Variants in ZFYVE16 observed in about 807,000 individuals in gnomAD.
The protein encoded by ZFYVE16 is zinc finger FYVE domain-containing protein 16.
ZFYVE16 carries 89 observed loss-of-function variants against 138.1 expected under a neutral mutation model. The observed-to-expected ratio is 0.64, with a 90% CI of 0.54 to 0.77. The LOEUF (loss-of-function observed/expected upper bound fraction) is 0.77, where lower values mean the gene tolerates loss of function less well. Among genes scored for constraint, ZFYVE16 ranks in the 30% least tolerant of loss-of-function variants. The pLI, the probability that ZFYVE16 is intolerant of heterozygous loss-of-function variation, is 0.00. For missense variants in ZFYVE16, 1,793 were observed against 1,786.7 expected (o/e 1.00, Z -0.06); for synonymous variants, 596 against 618.3 (o/e 0.96, Z 0.53).
intron 5 of ZFYVE16, 93 bp downstream of exon 5, chr5:80,440,125 A>C: frequency 7.0e-7 from 1 of 1,435,906 alleles, no homozygotes; most frequent in Non-Finnish European, 9.1e-7. Context: ...TATTTTCTTA[A>C]GGCAAGGACC....
intron 2 of ZFYVE16, among the ~76,000 whole-genome samples, chr5:80,428,055 C>T (rs917784720): frequency 2.0e-5 from 3 of 148,544 alleles, no homozygotes; most frequent in African/African-American, 7.4e-5. Flanking sequence ...CCAGCGTGAG[C>T]GACACAGAAG....
At chr5:80,461,569 G>C (rs1377343770) in intron 15 of ZFYVE16, among the ~76,000 whole-genome samples, 1 of 152,224 alleles carries the variant, frequency 6.6e-6, no homozygotes, top group Non-Finnish European at 1.5e-5. Flanking sequence ...AGAAGTCCAA[G>C]ATCAAGGTGC....
intron 1 of ZFYVE16, among the ~76,000 whole-genome samples, chr5:80,413,576 C>G (rs1374746666): frequency 6.6e-6 from 1 of 152,004 alleles, no homozygotes; most frequent in Non-Finnish European, 1.5e-5. Flanking sequence ...TCAATCAGTG[C>G]TTTCTGTCTG....
At chr5:80,477,069 C>T (rs933855198) in intron 18 of ZFYVE16, 150 bp from the exon 19 acceptor site, 7 of 611,382 alleles carry the variant, frequency 1.1e-5, no homozygotes, top group African/African-American at 1.9e-5. Context: ...ATAAAAGATA[C>T]AGGAGAATGT....
At position 80,451,704 on chromosome 5, in the gene ZFYVE16, A is replaced by G. The variant is rs1752003567; in HGVS notation, c.3602A>G (p.Tyr1201Cys). The stretch of plus-strand genomic sequence containing the variant: ...TTAATGTTGAGATTGGGTGCAGAAT[A>G]TAAAGGTAAGTTTTAGAGTAATAAG... ...MRLMLRLGAE[Y>C]KAYPAPLTSI... Residue 1201 changes from tyrosine (Y) to cysteine (C), a missense_variant, in exon 11 of 19, where the codon TAT becomes TGT. Physicochemically the swap from Tyr to Cys is radical, Grantham distance 194. This residue lies in a region of ZFYVE16 where 498 missense variants were observed against 582.4 expected (regional missense o/e 0.86). Transcript: ENST00000505560. The G allele has an allele frequency of 6.2e-7, 1 of 1,611,854 alleles. No individual in the cohort carries two copies. Among genetic ancestry groups the G allele is most frequent in the Non-Finnish European group, 8.5e-7 (1 of 1,179,244 alleles).
upstream of ZFYVE16, chr5:80,407,944 G>C (rs1374290660): frequency 6.6e-6 from 1 of 152,372 alleles, no homozygotes. Flanking sequence ...CCCGGGCCTG[G>C]AGACGGCCGC....
chr5:80,442,904 A>T (rs1011316201), intron 5 of ZFYVE16: 14 of 467,486 alleles, frequency 3.0e-5, no homozygotes, highest in Admixed American at 4.3e-5. Context: ...ATAATATTGA[A>T]ATAACTTATT....
intron 2 of ZFYVE16, among the ~76,000 whole-genome samples, chr5:80,428,144 G>A (rs1367745775): frequency 6.6e-6 from 1 of 152,070 alleles, no homozygotes; most frequent in African/African-American, 2.4e-5. Flanking sequence ...ATGTGAGAAC[G>A]GACAGACTGT....
At chr5:80,439,881 A>G (rs980016803) in intron 4 of ZFYVE16, 55 bp from the exon 5 acceptor site, 21 of 1,463,302 alleles carry the variant, frequency 1.4e-5, no homozygotes, top group Non-Finnish European at 1.9e-5. Context: ...CACTGCCTCT[A>G]GTAGGTGTAA....
intron 1 of ZFYVE16, among the ~76,000 whole-genome samples, chr5:80,419,675 C>T (rs1746796049): frequency 6.6e-6 from 1 of 152,050 alleles, no homozygotes; most frequent in Non-Finnish European, 1.5e-5. Context: ...CTGCGCCTGG[C>T]TGATTCTTTC....
At chr5:80,430,409 A>T (rs1431039450) in intron 2 of ZFYVE16, among the ~76,000 whole-genome samples, 1 of 152,002 alleles carries the variant, frequency 6.6e-6, no homozygotes, top group Non-Finnish European at 1.5e-5. Flanking sequence ...AAGACACAAC[A>T]TACCAGAATC....
chr5:80,431,998 G>C (rs1749105799), intron 2 of ZFYVE16, among the ~76,000 whole-genome samples: 2 of 152,140 alleles, frequency 1.3e-5, no homozygotes, highest in South Asian at 4.1e-4. Flanking sequence ...TCGTGAAAAT[G>C]GCCATACTGC....
chr5:80,426,095 C>T (rs1415510679), intron 1 of ZFYVE16, among the ~76,000 whole-genome samples: 3 of 151,720 alleles, frequency 2.0e-5, no homozygotes, highest in African/African-American at 7.3e-5. Context: ...TGAAATATAA[C>T]AGAGGCTTAA....
Position 80,426,201 on chromosome 5 carries a change from G to GGTGTGT in ZFYVE16, c.-93-1268_-93-1263dup, listed in dbSNP as rs67789869. Among the ~76,000 whole-genome samples, 288 of 139,674 alleles carry GGTGTGT rather than the reference G, an allele frequency of 2.1e-3. 3 individuals are homozygous for GGTGTGT. The highest frequency in any genetic ancestry group is 7.3e-3 in the African/African-American group (267 of 36,340). The allele number at this position is 139,674 out of a possible 152,430, so 91.6% of individuals were successfully genotyped here. The stretch of plus-strand genomic sequence containing the variant: ...TATATATATATATATGTGTGTGTGT[G>GGTGTGT]GTGTGTGTGTGTGTGTGTGTGTGTG... On this transcript the variant is annotated intron_variant, in intron 1 of 18. Transcript: ENST00000505560.
intron 1 of ZFYVE16, among the ~76,000 whole-genome samples, chr5:80,422,389 T>C (rs1034843457): frequency 6.6e-6 from 1 of 152,212 alleles, no homozygotes. Context: ...CTTTATCAGA[T>C]TGAAGAAGTT....
In ZFYVE16 at chr5:80,440,015, A is replaced by G. The variant is rs748080241; in HGVS notation, c.2402A>G (p.Tyr801Cys). 5 of 1,609,380 alleles carry G rather than the reference A, an allele frequency of 3.1e-6. No individual in the cohort carries two copies. Among genetic ancestry groups the G allele is most frequent in the Middle Eastern group, 1.7e-4 (1 of 6,052 alleles). Residue 801 changes from tyrosine (Y) to cysteine (C), a missense_variant, in exon 5 of 19, where the codon TAT (tyrosine) becomes TGT (cysteine). Tyr to Cys is a radical substitution (Grantham distance 194). Transcript: ENST00000505560. ...EKEARVCVVC[Y>C]ETISKAQAFE... ...GAAGCAAGAGTATGTGTAGTCTGCT[A>G]TGAAACTATTAGTAAAGGTGAGTAT...
In ZFYVE16 at chr5:80,416,286, C is replaced by T. The variant is rs373538223; in HGVS notation, c.-94+8133C>T. ...TTTTTTTTTTTTTGAGACAAAGTCT[C>T]GCTCTGTTGCCCAGGCTGGAGTGCA... On this transcript the variant is annotated intron_variant, in intron 1 of 18. Coordinates refer to ENST00000505560, the MANE Select transcript of ZFYVE16 (RefSeq NM_001284236.3). Among the ~76,000 whole-genome samples, 19 of 128,414 alleles carry T rather than the reference C, an allele frequency of 1.5e-4. 1 individual carries two copies. The highest frequency in any genetic ancestry group is 5.0e-4 in the African/African-American group (16 of 31,846). The allele number at this position is 128,414 out of a possible 152,430, so 84.2% of individuals were successfully genotyped here. A position where few individuals can be genotyped will look rare whatever the true frequency, so the allele number is the denominator to read the frequency against.
chr5:80,441,723 ATTAC>A, intron 5 of ZFYVE16: 1 of 985,462 alleles, frequency 1.0e-6, no homozygotes. Context: ...CAAGTTAGAA[ATTAC>A]TTTGAAATCC....
chr5:80,457,491 A>G (rs1365356451), intron 14 of ZFYVE16, among the ~76,000 whole-genome samples: 2 of 152,212 alleles, frequency 1.3e-5, no homozygotes, highest in African/African-American at 2.4e-5. Flanking sequence ...AACAGCATCT[A>G]TGAATGACAT....
Sources: gnomAD v4.1 joint callset for allele counts (sites outside exome capture counted in the v4.1 genomes callset) on GRCh38, gnomAD v4.1.1 for gene constraint, gnomAD v4.1.1 regional missense constraint, MANE v1.5 for transcripts, NCBI Gene and HGNC (gene_info 2026-07-23, HGNC 2026-07-21) for gene names.